Variants in HHAT observed in about 807,000 individuals in gnomAD.
HHAT encodes the protein hedgehog acyltransferase, also known as protein-cysteine N-palmitoyltransferase HHAT.
In HHAT, 47 loss-of-function variants were observed where a neutral mutation model predicts 70.8. The observed-to-expected ratio is 0.66, with a 90% CI of 0.53 to 0.85. The LOEUF (loss-of-function observed/expected upper bound fraction) is 0.85. HHAT is among the 40% of genes least tolerant of loss of function. The pLI is 0.00. For synonymous variants in HHAT, 228 were observed against 247.6 expected, an observed-to-expected ratio of 0.92 and a Z score of 0.74; for missense variants, 609 against 604.8, an observed-to-expected ratio of 1.01 and a Z score of -0.07.
intron 8 of HHAT, among the ~76,000 whole-genome samples, chr1:210,498,233 A>G (rs2094688280): frequency 6.6e-6 from 1 of 152,196 alleles, no homozygotes; most frequent in African/African-American, 2.4e-5. Flanking sequence ...TTTGGGGTAC[A>G]ATATGCAAAT....
At chr1:210,640,660 A>C (rs1389260735) in intron 11 of HHAT, among the ~76,000 whole-genome samples, 4 of 145,590 alleles carry the variant, frequency 2.7e-5, no homozygotes, top group African/African-American at 7.7e-5. Flanking sequence ...TAACCCCCGC[A>C]CTCCGCCCCC....
chr1:210,620,383 C>A (rs191885868), intron 10 of HHAT, among the ~76,000 whole-genome samples: 2 of 152,150 alleles, frequency 1.3e-5, no homozygotes, highest in African/African-American at 2.4e-5. Flanking sequence ...CCAGAGAATG[C>A]AAAGAGGAGA....
chr1:210,376,512 T>C (rs1169790786), intron 3 of HHAT, among the ~76,000 whole-genome samples: 1 of 152,238 alleles, frequency 6.6e-6, no homozygotes, highest in African/African-American at 2.4e-5. Context: ...AAATGAGTTA[T>C]TTTATTAATA....
At chr1:210,582,944 G>C (rs1048129286) in intron 9 of HHAT, among the ~76,000 whole-genome samples, 1 of 152,176 alleles carries the variant, frequency 6.6e-6, no homozygotes, top group Non-Finnish European at 1.5e-5. Flanking sequence ...ACATTTTTCA[G>C]TTAATAAAAC....
chr1:210,445,999 A>G (rs1209122746), intron 7 of HHAT, among the ~76,000 whole-genome samples: 2 of 152,118 alleles, frequency 1.3e-5, no homozygotes, highest in African/African-American at 2.4e-5. Flanking sequence ...AACATTAGAT[A>G]TATCTCCTAA....
intron 8 of HHAT, among the ~76,000 whole-genome samples, chr1:210,486,993 A>T (rs778508810): frequency 1.1e-4 from 16 of 152,198 alleles, no homozygotes; most frequent in Non-Finnish European, 2.1e-4. Context: ...ACTTAGAGCC[A>T]TATAATTATT....
intron 8 of HHAT, among the ~76,000 whole-genome samples, chr1:210,471,975 A>G (rs1015443766): frequency 6.6e-6 from 1 of 152,236 alleles, no homozygotes; most frequent in African/African-American, 2.4e-5. Context: ...TACTGTAATT[A>G]CAGATAATCC....
Position 210,636,977 on chromosome 1 carries a change from C to G in HHAT, c.1390+13307C>G, listed in dbSNP as rs573979510. ...TTGAGCCACTTTACTAGTATGGGAA[C>G]TTGGACAAGGGACCTAACCTCTCTA... is the stretch of plus-strand genomic sequence containing the variant. On this transcript the variant is annotated intron_variant, in intron 11 of 11. Transcript: ENST00000261458. 5.9e-5 allele frequency among the ~76,000 whole-genome samples: 9 copies of G among 152,266 alleles called. No individual in the cohort carries two copies. In the South Asian group the frequency reaches 6.2e-4, roughly 11 times the overall value.
chr1:210,537,177 T>C (rs2095381804), intron 9 of HHAT, among the ~76,000 whole-genome samples: 1 of 152,172 alleles, frequency 6.6e-6, no homozygotes, highest in Middle Eastern at 3.2e-3. Context: ...AGGGCTGGAC[T>C]TCAGTCTGTT....
At chr1:210,561,921 C>A (rs2095626658) in intron 9 of HHAT, among the ~76,000 whole-genome samples, 1 of 152,174 alleles carries the variant, frequency 6.6e-6, no homozygotes, top group African/African-American at 2.4e-5. Flanking sequence ...CAGCACAGTG[C>A]CTGACACCTG....
chr1:210,511,054 G>C (rs1434885152), intron 8 of HHAT, among the ~76,000 whole-genome samples: 1 of 152,190 alleles, frequency 6.6e-6, no homozygotes, highest in Non-Finnish European at 1.5e-5. Context: ...GCTGTCTGTG[G>C]TGTGGATATT....
chr1:210,333,066 G>A (rs1048884199), intron 1 of HHAT, among the ~76,000 whole-genome samples: 2 of 152,142 alleles, frequency 1.3e-5, no homozygotes, highest in South Asian at 2.1e-4. Context: ...AATAAGTGTC[G>A]GATTCTGACT....
chr1:210,502,476 A>G (rs1250700123), intron 8 of HHAT, among the ~76,000 whole-genome samples: 1 of 151,856 alleles, frequency 6.6e-6, no homozygotes, highest in African/African-American at 2.4e-5. Flanking sequence ...TACATATGTC[A>G]TTTGAAAATC....
intron 6 of HHAT, among the ~76,000 whole-genome samples, chr1:210,416,449 C>G (rs183163420): frequency 6.6e-6 from 1 of 152,202 alleles, no homozygotes; most frequent in Non-Finnish European, 1.5e-5. Context: ...AGAAAACTTA[C>G]TGTTCTCTCT....
intron 10 of HHAT, among the ~76,000 whole-genome samples, chr1:210,611,698 A>G (rs142953868): frequency 0.025 from 3,792 of 152,202 alleles, 170 homozygotes; most frequent in African/African-American, 0.084. Flanking sequence ...TAGTTTATTG[A>G]GAGTTTTTAA....
At chr1:210,629,381 CT>C (rs1301278985) in intron 11 of HHAT, among the ~76,000 whole-genome samples, 5 of 152,220 alleles carry the variant, frequency 3.3e-5, no homozygotes, top group Non-Finnish European at 7.3e-5. Flanking sequence ...CCAGGAAGGG[CT>C]TTCAACCAGA....
chr1:210,559,366 A>G (rs974646148), intron 9 of HHAT, among the ~76,000 whole-genome samples: 1 of 152,230 alleles, frequency 6.6e-6, no homozygotes, highest in Non-Finnish European at 1.5e-5. Flanking sequence ...CTCAGTAAAT[A>G]TCTGTTGAAT....
chr1:210,493,175 T>C (rs1203413365), intron 8 of HHAT, among the ~76,000 whole-genome samples: 1 of 151,986 alleles, frequency 6.6e-6, no homozygotes, highest in Non-Finnish European at 1.5e-5. Context: ...AGCAGGGAGA[T>C]CTATGGGTCT....
chr1:210,429,823 A>G lies in HHAT; in HGVS notation c.856+11498A>G, dbSNP rs1280956213. Among the ~76,000 whole-genome samples the G allele has an allele frequency of 3.9e-5, 6 of 151,906 alleles. No individual in the cohort carries two copies. The East Asian group carries it at 5.8e-4, about 15-fold the overall frequency. On this transcript the variant is annotated intron_variant, in intron 7 of 11. Transcript: ENST00000261458. ...TGCTATCTGAATATCTTCTTCCCCA[A>G]TAACCTGGAAAATAGTGAATAGTTT...
Sources: allele counts gnomAD v4.1 joint callset (sites outside exome capture counted in the v4.1 genomes callset), GRCh38; gene constraint gnomAD v4.1.1; transcripts MANE v1.5; gene names NCBI Gene and HGNC (gene_info 2026-07-23, HGNC 2026-07-21).